The following TPST1 variants were observed in gnomAD, a reference collection of about 807,000 sequenced individuals.
TPST1 encodes the protein protein-tyrosine sulfotransferase 1.
TPST1 carries 20 observed loss-of-function variants against 34.8 expected under a neutral mutation model. The ratio of observed to expected loss-of-function variants is 0.57; its 90% CI spans 0.40 to 0.84. TPST1 has a LOEUF of 0.84. TPST1 is among the 40% of genes least tolerant of loss of function. TPST1 has a pLI of 0.00. For synonymous variants in TPST1, 152 were observed against 159.4 expected (o/e 0.95, Z 0.35); for missense variants, 353 against 455.5 (o/e 0.78, Z 2.05).
chr7:66,306,513 A>G (rs1791426727), intron 3 of TPST1, among the ~76,000 whole-genome samples: 1 of 152,192 alleles, frequency 6.6e-6, no homozygotes, highest in African/African-American at 2.4e-5. Flanking sequence ...AAAGAAAACA[A>G]TTCCTATCAG....
chr7:66,354,050 A>G (rs1173117403), intron 4 of TPST1, among the ~76,000 whole-genome samples: 1 of 152,168 alleles, frequency 6.6e-6, no homozygotes, highest in Admixed American at 6.5e-5. Context: ...TCATTCACTT[A>G]TTCACCAATT....
At chr7:66,277,886 G>T (rs1422406079) in intron 2 of TPST1, among the ~76,000 whole-genome samples, 1 of 152,002 alleles carries the variant, frequency 6.6e-6, no homozygotes, top group Non-Finnish European at 1.5e-5. Flanking sequence ...GATCACTTGA[G>T]GTCAGGAGTT....
At chr7:66,342,152 G>A (rs949925538) in intron 3 of TPST1, among the ~76,000 whole-genome samples, 22 of 152,104 alleles carry the variant, frequency 1.4e-4, no homozygotes, top group African/African-American at 5.1e-4. Context: ...ACTGAGTGAG[G>A]AAAATAAGCC....
At chr7:66,351,313 C>A (rs544313237) in intron 3 of TPST1, among the ~76,000 whole-genome samples, 1 of 152,044 alleles carries the variant, frequency 6.6e-6, no homozygotes, top group Non-Finnish European at 1.5e-5. Context: ...TCATTATATG[C>A]GTAGATCACG....
intron 3 of TPST1, among the ~76,000 whole-genome samples, chr7:66,312,460 T>A (rs1584230523): frequency 6.6e-6 from 1 of 152,342 alleles, no homozygotes; most frequent in East Asian, 1.9e-4. Context: ...AGAAGTCATT[T>A]TTTACCCCAT....
At chr7:66,234,624 G>C (rs934922930) in intron 1 of TPST1, among the ~76,000 whole-genome samples, 10 of 152,082 alleles carry the variant, frequency 6.6e-5, no homozygotes, top group African/African-American at 1.9e-4. Flanking sequence ...TGGATGTATA[G>C]ATCCTTACAT....
chr7:66,300,187 T>C (rs933740203), intron 3 of TPST1, among the ~76,000 whole-genome samples: 2 of 152,194 alleles, frequency 1.3e-5, no homozygotes, highest in East Asian at 1.9e-4. Flanking sequence ...TTGCTAAAGA[T>C]TGGGGTGACT....
intron 3 of TPST1, among the ~76,000 whole-genome samples, chr7:66,315,884 G>A (rs1406896576): frequency 1.3e-5 from 2 of 152,142 alleles, no homozygotes. Flanking sequence ...GCCAAAGCAG[G>A]CAGATCACCT....
chr7:66,213,680 C>T (rs1327375151), intron 1 of TPST1, among the ~76,000 whole-genome samples: 2 of 150,894 alleles, frequency 1.3e-5, no homozygotes, highest in African/African-American at 4.9e-5. Flanking sequence ...GGAGGCGGAG[C>T]TTGCAGTGAG....
At chr7:66,200,351 A>G (rs191341473), upstream of TPST1, among the ~76,000 whole-genome samples, 1 of 152,124 alleles carries the variant, frequency 6.6e-6, no homozygotes, top group East Asian at 1.9e-4. Context: ...TGTTTGGAAG[A>G]AAACAGGCTG....
chr7:66,348,408 A>G (rs979595772), intron 3 of TPST1, among the ~76,000 whole-genome samples: 5 of 152,158 alleles, frequency 3.3e-5, no homozygotes, highest in African/African-American at 1.2e-4. Flanking sequence ...TCCTCAGGAG[A>G]TTGTGTGATT....
chr7:66,325,699 T>C (rs1791851381), intron 3 of TPST1, among the ~76,000 whole-genome samples: 2 of 152,070 alleles, frequency 1.3e-5, no homozygotes. Context: ...GCAGTGGCAT[T>C]ATCTTGGCTT....
intron 2 of TPST1, among the ~76,000 whole-genome samples, chr7:66,272,983 A>C (rs1334179898): frequency 6.6e-6 from 1 of 152,200 alleles, no homozygotes; most frequent in Admixed American, 6.5e-5. Flanking sequence ...AGAAAGGAAG[A>C]AACTAAATTG....
upstream of TPST1, among the ~76,000 whole-genome samples, chr7:66,202,992 C>T (rs2116165862): frequency 6.6e-6 from 1 of 152,270 alleles, no homozygotes; most frequent in East Asian, 1.9e-4. Flanking sequence ...TGAAGAATCA[C>T]TTGAACTCGG....
At chr7:66,337,373 A>C (rs1485006591) in intron 3 of TPST1, among the ~76,000 whole-genome samples, 1 of 145,262 alleles carries the variant, frequency 6.9e-6, no homozygotes, top group Non-Finnish European at 1.5e-5. Flanking sequence ...GCAGTGGTGC[A>C]ATCTCAGCTC....
At chr7:66,308,855 A>G (rs929872342) in intron 3 of TPST1, among the ~76,000 whole-genome samples, 3 of 152,158 alleles carry the variant, frequency 2.0e-5, no homozygotes, top group African/African-American at 7.2e-5. Context: ...CAGATCAGTC[A>G]TACGTATTAA....
At chr7:66,284,551 C>CTTTTTT (rs5884585) in intron 2 of TPST1, among the ~76,000 whole-genome samples, 1 of 77,060 alleles carries the variant, frequency 1.3e-5, no homozygotes, top group Non-Finnish European at 2.5e-5. Flanking sequence ...ACTGTCTTAG[C>CTTTTTT]TTTTTTTTTT....
At chr7:66,248,176 C>G (rs1242051905) in intron 2 of TPST1, among the ~76,000 whole-genome samples, 1 of 152,010 alleles carries the variant, frequency 6.6e-6, no homozygotes, top group Non-Finnish European at 1.5e-5. Context: ...TGATGCGGAC[C>G]AGGCTTTGGA....
chr7:66,225,853 C>T (rs564534134), intron 1 of TPST1, among the ~76,000 whole-genome samples: 2 of 152,244 alleles, frequency 1.3e-5, no homozygotes, highest in Non-Finnish European at 2.9e-5. Flanking sequence ...GAAAAAGGTA[C>T]TTCCCAGTTT....
Sources: gnomAD v4.1 joint callset for allele counts (sites outside exome capture counted in the v4.1 genomes callset) on GRCh38, gnomAD v4.1.1 for gene constraint, MANE v1.5 for transcripts, NCBI Gene and HGNC (gene_info 2026-07-23, HGNC 2026-07-21) for gene names.